The following NRF1 variants were observed in gnomAD, a reference collection of about 807,000 sequenced individuals.
NRF1 encodes alpha palindromic-binding protein.
NRF1 carries 5 observed loss-of-function variants against 58.5 expected under a neutral mutation model. The observed-to-expected ratio is 0.09, with a 90% CI of 0.04 to 0.18. NRF1 has a LOEUF of 0.18. Ranked by LOEUF, NRF1 falls within the 10% of genes least tolerant of loss-of-function variation. The probability of loss-of-function intolerance (pLI) is 1.00; values close to 1 mark genes in which losing one functional copy is unlikely to be tolerated. For synonymous variants in NRF1, 224 were observed against 246.7 expected (o/e 0.91, Z 0.86); for missense variants, 288 against 657.7 (o/e 0.44, Z 6.15).
intron 10 of NRF1, chr7:129,744,094 C>T: frequency 3.0e-6 from 4 of 1,318,394 alleles, no homozygotes; most frequent in Non-Finnish European, 4.1e-6. Context: ...AGGCTGCAAG[C>T]GCCGCAGCGG....
chr7:129,642,760 T>A (rs1039640583), intron 1 of NRF1, among the ~76,000 whole-genome samples: 3 of 147,102 alleles, frequency 2.0e-5, no homozygotes, highest in African/African-American at 4.9e-5. Flanking sequence ...TTAAAAAATT[T>A]TTTTTTTTTT....
In NRF1 at chr7:129,711,579, A is replaced by G; in HGVS notation, c.1065+3A>G. On this transcript the variant is annotated splice_donor_region_variant and intron_variant, in intron 8 of 10. Transcript: ENST00000393232. ...ATTCTGCCGTGGCTGATGGAGAGGT[A>G]AGAAAGAGATTCCATCTGCATCTTC... 6.2e-7 allele frequency: 1 copy of G among 1,604,676 alleles called. No individual in the cohort carries two copies. Among genetic ancestry groups the G allele is most frequent in the South Asian group, 1.1e-5 (1 of 89,550 alleles).
At position 129,642,784 on chromosome 7, in the gene NRF1, A is replaced by T. The variant is rs1419976264; in HGVS notation, c.-6-14562A>T. Among the ~76,000 whole-genome samples, 6 of 130,412 alleles carry T rather than the reference A, an allele frequency of 4.6e-5. No individual in the cohort carries two copies. In the East Asian group the frequency reaches 2.0e-3, roughly 43 times the overall value. 85.6% of individuals were successfully genotyped at this position (130,412 alleles called of 152,430 possible). The stretch of plus-strand genomic sequence containing the variant: ...TTTTTTTTTTTTTTTTTTAAATGAG[A>T]TAGGGTCCCATTGTTTTCCAGGCTG... On this transcript the variant is annotated intron_variant, in intron 1 of 10. Transcript: ENST00000393232.
chr7:129,739,390 A>G lies in NRF1; in HGVS notation c.1348+12025A>G, dbSNP rs184033288. Reference sequence around the variant, plus strand: ...CATGTCTATCACTGAAGACAGTTCTATTGGGTGGTGCTGATCTAAGGGCTA... The same window carrying G: ...CATGTCTATCACTGAAGACAGTTCTGTTGGGTGGTGCTGATCTAAGGGCTA... On this transcript the variant is annotated intron_variant, in intron 10 of 10. Transcript: ENST00000393232. Among the ~76,000 whole-genome samples the G allele has an allele frequency of 3.9e-5, 6 of 152,234 alleles. No homozygotes were observed. The East Asian group carries it at 1.2e-3, about 29-fold the overall frequency.
Position 129,644,327 on chromosome 7 carries a change from G to A in NRF1, c.-6-13019G>A, listed in dbSNP as rs181225077. ...AGACAGCGTACTTTTGACTGTGAAC[G>A]TCTGTAGGGCAAGGACAAAACGCTG... On this transcript the variant is annotated intron_variant, in intron 1 of 10. Coordinates refer to ENST00000393232, the MANE Select transcript of NRF1 (RefSeq NM_005011.5). Among the ~76,000 whole-genome samples the A allele has an allele frequency of 9.9e-5, 15 of 152,278 alleles. No homozygotes were observed. The South Asian group carries it at 1.2e-3, about 13-fold the overall frequency.
At chr7:129,679,207 A>G (rs983974882) in intron 4 of NRF1, among the ~76,000 whole-genome samples, 1 of 152,266 alleles carries the variant, frequency 6.6e-6, no homozygotes, top group African/African-American at 2.4e-5. Context: ...TGTTAAAGGC[A>G]TAGATGTTCT....
chr7:129,674,063 C>T (rs1802119608), intron 3 of NRF1, among the ~76,000 whole-genome samples: 1 of 151,978 alleles, frequency 6.6e-6, no homozygotes, highest in South Asian at 2.1e-4. Context: ...ATAGCTTTAA[C>T]CCAGGAGGCG....
chr7:129,649,545 C>A (rs952326501), intron 1 of NRF1, among the ~76,000 whole-genome samples: 1 of 152,130 alleles, frequency 6.6e-6, no homozygotes, highest in African/African-American at 2.4e-5. Flanking sequence ...ATTTAACTCC[C>A]TTGGACATTT....
chr7:129,754,538 C>G lies in NRF1; in HGVS notation c.1349-480C>G, dbSNP rs369734768. On this transcript the variant is annotated intron_variant, in intron 10 of 10. Transcript: ENST00000393232. ...AAGTAGAGAGTAGAATAATAGTTAC[C>G]AGAGTCTGGGGAAGGGTTGGGGAGG... 1.1e-4 allele frequency among the ~76,000 whole-genome samples: 16 copies of G among 143,346 alleles called. No individual in the cohort carries two copies. The East Asian group carries it at 2.7e-3, about 24-fold the overall frequency. 94.0% of individuals were successfully genotyped at this position (143,346 alleles called of 152,430 possible).
chr7:129,631,077 G>T (rs748710715), intron 1 of NRF1, among the ~76,000 whole-genome samples: 1 of 151,904 alleles, frequency 6.6e-6, no homozygotes, highest in Non-Finnish European at 1.5e-5. Context: ...TAAAATACTT[G>T]AGCCAAAGTT....
intron 5 of NRF1, among the ~76,000 whole-genome samples, chr7:129,703,494 T>G (rs958318918): frequency 6.6e-5 from 10 of 152,234 alleles, no homozygotes; most frequent in Admixed American, 6.5e-4. Context: ...CTTCCTGTAC[T>G]GGACTGCTAG....
chr7:129,727,334 C>T lies in NRF1; in HGVS notation c.1317C>T (p.Val439=), dbSNP rs1162957196. ...IVLSGETAAA[V]GALTGVQDAN... Reference sequence around the variant, plus strand: ...TGTCTGGGGAAACCGCAGCAGCCGTCGGAGCACTTACTGGAGTCCAAGATG... The same window carrying T: ...TGTCTGGGGAAACCGCAGCAGCCGTTGGAGCACTTACTGGAGTCCAAGATG... Residue 439 remains valine, a synonymous_variant, in exon 10 of 11, where the codon GTC becomes GTT. Coordinates refer to ENST00000393232, the MANE Select transcript of NRF1 (RefSeq NM_005011.5). The T allele has an allele frequency of 2.5e-6, 4 of 1,607,196 alleles. No individual in the cohort carries two copies. Among genetic ancestry groups the T allele is most frequent in the Admixed American group, 3.4e-5 (2 of 58,178 alleles).
At chr7:129,729,238 A>G (rs923357102) in intron 10 of NRF1, among the ~76,000 whole-genome samples, 1 of 152,200 alleles carries the variant, frequency 6.6e-6, no homozygotes, top group African/African-American at 2.4e-5. Flanking sequence ...ATTTATAATA[A>G]GTCCAAGGAC....
chr7:129,737,125 G>C (rs1003342418), intron 10 of NRF1, among the ~76,000 whole-genome samples: 1 of 152,222 alleles, frequency 6.6e-6, no homozygotes, highest in African/African-American at 2.4e-5. Context: ...GGAGTGCACA[G>C]TACTATGTAG....
rs141822218 is a variant in NRF1 at position 129,647,382 on chromosome 7, A to G, written c.-6-9964A>G. Among the ~76,000 whole-genome samples, 798 of 150,394 alleles carry G rather than the reference A, an allele frequency of 5.3e-3. 6 individuals carry two copies. Among genetic ancestry groups the G allele is most frequent in the Middle Eastern group, 0.025 (7 of 280 alleles). ...CTAAGTCATTATGAAGTTGTGTGGT[A>G]AAGCTTTTTTTTCTTTTCTTGCTTT... On this transcript the variant is annotated intron_variant, in intron 1 of 10. Coordinates refer to ENST00000393232, the MANE Select transcript of NRF1 (RefSeq NM_005011.5).
At chr7:129,689,322 T>C (rs1016956234) in intron 4 of NRF1, among the ~76,000 whole-genome samples, 2 of 152,164 alleles carry the variant, frequency 1.3e-5, no homozygotes, top group Non-Finnish European at 2.9e-5. Context: ...TCCAGCCCAC[T>C]CAGCAGACAA....
chr7:129,687,522 C>T (rs985185667), intron 4 of NRF1, among the ~76,000 whole-genome samples: 6 of 152,112 alleles, frequency 3.9e-5, no homozygotes, highest in Admixed American at 1.3e-4. Context: ...GTGATCTGCC[C>T]GCCTCGGCCT....
Position 129,709,249 on chromosome 7 carries a change from A to G in NRF1, c.765+16A>G. 1 of 1,440,460 alleles carries G rather than the reference A, an allele frequency of 6.9e-7. No homozygotes were observed. Among genetic ancestry groups the G allele is most frequent in the Non-Finnish European group, 9.2e-7 (1 of 1,086,668 alleles). The allele number at this position is 1,440,460 out of a possible 1,614,324, so 89.2% of individuals were successfully genotyped here. On this transcript the variant is annotated intron_variant, in intron 6 of 10. Transcript: ENST00000393232. ...AAAGCAGAGGGTGAGAGTTCCTCTGACTGAGTTGCCTGGTTGCTTTTCCAT... is the reference window on the plus strand; with the variant it reads ...AAAGCAGAGGGTGAGAGTTCCTCTGGCTGAGTTGCCTGGTTGCTTTTCCAT...
intron 2 of NRF1, among the ~76,000 whole-genome samples, chr7:129,668,100 T>A (rs1297514452): frequency 6.6e-6 from 1 of 152,218 alleles, no homozygotes; most frequent in African/African-American, 2.4e-5. Context: ...AGGCCTTTAA[T>A]CCACCTGTAA....
Sources: gnomAD v4.1 joint callset for allele counts (sites outside exome capture counted in the v4.1 genomes callset) on GRCh38, gnomAD v4.1.1 for gene constraint, MANE v1.5 for transcripts, NCBI Gene and HGNC (gene_info 2026-07-23, HGNC 2026-07-21) for gene names.